COL6A5: variants seen among roughly 807,000 people sequenced by gnomAD.
The protein encoded by COL6A5 is collagen alpha-5(VI) chain.
COL6A5 carries 48 observed loss-of-function variants against 65.6 expected under a neutral mutation model. That is an observed-to-expected ratio of 0.73 (90% confidence interval 0.58 to 0.93). The LOEUF is 0.93. COL6A5 is among the 40% of genes least tolerant of loss of function. The probability of loss-of-function intolerance (pLI) is 0.00; values close to 1 mark genes in which losing one functional copy is unlikely to be tolerated. For synonymous variants in COL6A5, 291 were observed against 322.8 expected, an observed-to-expected ratio of 0.90 and a Z score of 1.05; for missense variants, 914 against 928.3, an observed-to-expected ratio of 0.98 and a Z score of 0.20.
Position 130,403,593 on chromosome 3 carries a change from C to T in COL6A5, c.4228-16C>T. On this transcript the variant is annotated splice_polypyrimidine_tract_variant and intron_variant and NMD_transcript_variant, in intron 12 of 41. Transcript: ENST00000312481. ...GGGGGGGTGACTAAAATGTATTGTT[C>T]TCTCTTTCTTCCCAGGGTTCTCAAG... 6.5e-7 allele frequency: 1 copy of T among 1,549,274 alleles called. No individual in the cohort carries two copies. The highest frequency in any genetic ancestry group is 8.7e-7 in the Non-Finnish European group (1 of 1,145,344).
intron 4 of COL6A5, among the ~76,000 whole-genome samples, chr3:130,381,781 T>A (rs994390360): frequency 1.3e-5 from 2 of 152,088 alleles, no homozygotes; most frequent in African/African-American, 4.8e-5. Flanking sequence ...AATTTTGAAC[T>A]CAGACCAGCT....
chr3:130,447,815 C>G (rs992543223), intron 4 of COL6A5, among the ~76,000 whole-genome samples: 3 of 80,112 alleles, frequency 3.7e-5, no homozygotes, highest in Admixed American at 1.6e-4. Context: ...ATAAGTTTGT[C>G]TGTAGGACCC....
At chr3:130,403,363 G>A (rs1936876353) in intron 12 of COL6A5, among the ~76,000 whole-genome samples, 1 of 152,132 alleles carries the variant, frequency 6.6e-6, no homozygotes, top group South Asian at 2.1e-4. Flanking sequence ...TCTGCTGGTG[G>A]GTTCCAAAGG....
At chr3:130,411,291 A>G (rs1937168742) in intron 20 of COL6A5, among the ~76,000 whole-genome samples, 1 of 152,232 alleles carries the variant, frequency 6.6e-6, no homozygotes, top group Admixed American at 6.5e-5. Flanking sequence ...TGCGCTCAGC[A>G]TGGACATCAT....
intron 4 of COL6A5, among the ~76,000 whole-genome samples, chr3:130,446,445 G>C (rs1041090594): frequency 2.3e-4 from 35 of 152,118 alleles, no homozygotes; most frequent in African/African-American, 7.7e-4. Flanking sequence ...AGGAAGAGAA[G>C]AACAGAGGGA....
chr3:130,395,005 C>T (rs1275771050), exon 8 of COL6A5: 1 of 1,551,164 alleles, frequency 6.4e-7, no homozygotes, highest in South Asian at 1.2e-5. Context: ...ATAATTTTGA[C>T]ATTCAGTCTC....
At chr3:130,484,247 G>A in exon 8 of COL6A5, 3 of 549,886 alleles carry the variant, frequency 5.5e-6, no homozygotes, top group Admixed American at 6.8e-5. Context: ...GAAGACATCA[G>A]TAAGAAGACC....
At chr3:130,451,624 G>T (rs571617376) in intron 4 of COL6A5, among the ~76,000 whole-genome samples, 1 of 151,794 alleles carries the variant, frequency 6.6e-6, no homozygotes, top group African/African-American at 2.4e-5. Context: ...ATGATCCTGG[G>T]CTGTGTGAGT....
At chr3:130,433,736 A>G (rs1937920741) in intron 1 of COL6A5, among the ~76,000 whole-genome samples, 2 of 152,062 alleles carry the variant, frequency 1.3e-5, no homozygotes, top group Non-Finnish European at 2.9e-5. Context: ...GATTTTACCT[A>G]TTGAGCTTTT....
chr3:130,405,018 G>T (rs1936938442), intron 13 of COL6A5, among the ~76,000 whole-genome samples: 1 of 152,170 alleles, frequency 6.6e-6, no homozygotes, highest in African/African-American at 2.4e-5. Context: ...AAGCAAGGTT[G>T]GTGGGAGACA....
At position 130,418,983 on chromosome 3, in the gene COL6A5, A is replaced by G. The variant is rs533865235; in HGVS notation, c.4950+52A>G. On this transcript the variant is annotated intron_variant and NMD_transcript_variant, in intron 25 of 41. Coordinates refer to the COL6A5 transcript ENST00000312481. ...CCCCAGATCTGGGTATTCAGTTCCAAGGTAAAGAGAAGGGGTTGACACCTT... is the reference window on the plus strand; with the variant it reads ...CCCCAGATCTGGGTATTCAGTTCCAGGGTAAAGAGAAGGGGTTGACACCTT... 18 of 1,463,848 alleles carry G rather than the reference A, an allele frequency of 1.2e-5. No homozygotes were observed. In the Admixed American group the frequency reaches 3.5e-4, roughly 29 times the overall value. 90.7% of individuals were successfully genotyped at this position (1,463,848 alleles called of 1,614,324 possible). A position where few individuals can be genotyped will look rare whatever the true frequency, so the allele number is the denominator to read the frequency against.
At chr3:130,446,338 C>A (rs1057370618) in intron 4 of COL6A5, among the ~76,000 whole-genome samples, 11 of 151,996 alleles carry the variant, frequency 7.2e-5, no homozygotes, top group African/African-American at 2.7e-4. Flanking sequence ...TTATGTGTAG[C>A]AGGTAAATCA....
chr3:130,389,161 C>T, intron 6 of COL6A5, 27 bp downstream of exon 6: 1 of 1,360,362 alleles, frequency 7.4e-7, no homozygotes, highest in Non-Finnish European at 9.6e-7. Flanking sequence ...TCTGTCAGGA[C>T]TAAAGGATGT....
At chr3:130,469,382 C>T in exon 6 of COL6A5, 1 of 1,612,950 alleles carries the variant, frequency 6.2e-7, no homozygotes, top group Non-Finnish European at 8.5e-7. Flanking sequence ...ATTAGCCAGC[C>T]ACCCTCTGGA....
intron 6 of COL6A5, among the ~76,000 whole-genome samples, chr3:130,470,631 T>G (rs1709926423): frequency 6.6e-6 from 1 of 152,074 alleles, no homozygotes; most frequent in Non-Finnish European, 1.5e-5. Flanking sequence ...AGAGATGTCC[T>G]TAAAGTATAT....
chr3:130,413,802 C>G (rs1255066751), intron 21 of COL6A5, among the ~76,000 whole-genome samples: 2 of 138,274 alleles, frequency 1.4e-5, no homozygotes, highest in Non-Finnish European at 3.3e-5. Context: ...ACAGGCAGAA[C>G]CTGTGCAATT....
chr3:130,455,512 A>C, exon 5 of COL6A5: 1 of 1,612,956 alleles, frequency 6.2e-7, no homozygotes, highest in Non-Finnish European at 8.5e-7. Flanking sequence ...TTGGCCAAGA[A>C]TTAAATTCTG....
At chr3:130,471,096 G>GTT in intron 7 of COL6A5, 129 bp downstream of exon 39, 1 of 690,724 alleles carries the variant, frequency 1.4e-6, no homozygotes, top group East Asian at 2.7e-5. Flanking sequence ...GTGTGTGTGT[G>GTT]TGTGTTTTAA....
intron 5 of COL6A5, among the ~76,000 whole-genome samples, chr3:130,468,354 G>A (rs970748363): frequency 6.6e-6 from 1 of 151,904 alleles, no homozygotes; most frequent in Non-Finnish European, 1.5e-5. Context: ...ATATATAAAG[G>A]TTTTTGTGCT....
Sources: gnomAD v4.1 joint callset for allele counts (sites outside exome capture counted in the v4.1 genomes callset) on GRCh38, gnomAD v4.1.1 for gene constraint, MANE v1.5 for transcripts, NCBI Gene and HGNC (gene_info 2026-07-23, HGNC 2026-07-21) for gene names.